Variants in MYOM3 observed in about 807,000 individuals in gnomAD.
The protein encoded by MYOM3 is myomesin-3.
Under a neutral mutation model 191.7 loss-of-function variants are expected in MYOM3, and 155 were observed. The ratio of observed to expected loss-of-function variants is 0.81; its 90% CI spans 0.71 to 0.92. MYOM3 has a LOEUF of 0.92. Among genes scored for constraint, MYOM3 ranks in the 40% least tolerant of loss-of-function variants. The pLI is 0.00. For synonymous variants in MYOM3, 757 were observed against 762.9 expected (o/e 0.99, Z 0.13); for missense variants, 1,889 against 1,890.6 (o/e 1.00, Z 0.02).
At chr1:24,067,389 T>A (rs1643460519) in intron 27 of MYOM3, among the ~76,000 whole-genome samples, 1 of 33,878 alleles carries the variant, frequency 3.0e-5, no homozygotes, top group African/African-American at 2.6e-4. Flanking sequence ...TCTTTCTTTT[T>A]CCTTCCTTCC....
chr1:24,067,304 C>T (rs529954469), intron 27 of MYOM3, among the ~76,000 whole-genome samples: 4 of 127,224 alleles, frequency 3.1e-5, no homozygotes, highest in African/African-American at 1.4e-4. Context: ...TTCTTTCTTT[C>T]CTTCTTTCTT....
intron 27 of MYOM3, among the ~76,000 whole-genome samples, chr1:24,067,618 T>C (rs968494662): frequency 1.1e-4 from 16 of 151,986 alleles, no homozygotes; most frequent in African/African-American, 3.9e-4. Flanking sequence ...TGTGCCACCA[T>C]GCTCGGCTAA....
At chr1:24,091,066 A>G (rs1557612660) in intron 11 of MYOM3, 70 bp from the exon 12 acceptor site, 5 of 1,542,350 alleles carry the variant, frequency 3.2e-6, no homozygotes, top group Non-Finnish European at 4.4e-6. Context: ...AGCCTCTACA[A>G]GGGCCTTTCT....
rs1240147418 is a variant in MYOM3, at chr1:24,070,425, A to G, written c.3150+692T>C. On this transcript the variant is annotated intron_variant, in intron 25 of 36. Transcript: ENST00000374434. ...GGCAAAACCCTGTCTCTACAAAAAA[A>G]AAAAATATAAAAATTAGCTGGGCGT... 3.3e-5 allele frequency among the ~76,000 whole-genome samples: 5 copies of G among 151,976 alleles called. 1 individual carries two copies. Among genetic ancestry groups the G allele is most frequent in the Non-Finnish European group, 5.9e-5 (4 of 67,988 alleles).
intron 4 of MYOM3, among the ~76,000 whole-genome samples, chr1:24,106,594 A>T (rs995027805): frequency 1.3e-5 from 2 of 151,972 alleles, no homozygotes; most frequent in African/African-American, 4.8e-5. Flanking sequence ...TATTATTATT[A>T]TTTTTTAAGG....
chr1:24,063,748 T>C lies in MYOM3; in HGVS notation c.3623-218A>G, dbSNP rs1042040834. On this transcript the variant is annotated intron_variant, in intron 30 of 36. Transcript: ENST00000374434. The surrounding 1 kb of genome is among the most constrained non-coding windows in gnomAD (Gnocchi z 4.5). ...GGGCACTATGGATGGAGGACAAACATGCAAATCTGACAGTTTTTGCAGGCT... is the reference window on the plus strand; with the variant it reads ...GGGCACTATGGATGGAGGACAAACACGCAAATCTGACAGTTTTTGCAGGCT... Among the ~76,000 whole-genome samples the C allele has an allele frequency of 1.3e-5, 2 of 152,044 alleles. No individual in the cohort carries two copies. Among genetic ancestry groups the C allele is most frequent in the African/African-American group, 2.4e-5 (1 of 41,372 alleles).
rs569644404 is a variant in MYOM3 at position 24,063,816 on chromosome 1, G to A, written c.3622+256C>T. ...GAGGAGCCTGGGCCCACTGTGGGAC[G>A]GAGGAGTGAACTCAGGCTTCGGGTC... On this transcript the variant is annotated intron_variant, in intron 30 of 36. Transcript: ENST00000374434. The surrounding 1 kb of genome is among the most constrained non-coding windows in gnomAD (Gnocchi z 4.5). Among the ~76,000 whole-genome samples the A allele has an allele frequency of 3.9e-5, 6 of 152,222 alleles. No homozygotes were observed. The highest frequency in any genetic ancestry group is 2.1e-4 in the South Asian group (1 of 4,822).
At position 24,108,047 on chromosome 1, in the gene MYOM3, G is replaced by A. The variant is rs190949233; in HGVS notation, c.188C>T (p.Ala63Val). 1.2e-6 allele frequency: 2 copies of A among 1,613,806 alleles called. No homozygotes were observed. Among genetic ancestry groups the A allele is most frequent in the South Asian group, 1.1e-5 (1 of 91,074 alleles). Residue 63 changes from alanine (A) to valine (V), a missense_variant, in exon 3 of 37, where the codon GCG (alanine) becomes GTG (valine). Transcript: ENST00000374434. ...SSEEEHEFSA[A>V]DYALAAALAL... is the part of the protein sequence containing the mutation. The stretch of plus-strand genomic sequence containing the variant: ...CAGGGCTGCTGCCAGGGCGTAGTCC[G>A]CGGCGCTGAACTCATGCTCTTCTTC...
intron 14 of MYOM3, among the ~76,000 whole-genome samples, chr1:24,088,577 A>C (rs918243568): frequency 6.6e-6 from 1 of 152,198 alleles, no homozygotes; most frequent in African/African-American, 2.4e-5. Context: ...ATCCTCAATT[A>C]TCTACAGCTT....
Position 24,092,221 on chromosome 1 carries a change from CG to C in MYOM3, c.1184del (p.Pro395ArgfsTer53). On this transcript the variant is annotated frameshift_variant, in exon 11 of 37. Coordinates refer to ENST00000374434, the MANE Select transcript of MYOM3 (RefSeq NM_152372.4). LOFTEE classifies it high-confidence loss of function. The stretch of plus-strand genomic sequence containing the variant: ...TGGGGTTGCCCCGGGTGTCACTGGG[CG>C]GGGCCCAAGTCAGGATGAGGCAGTC... ...NRDCLILTWA[P>X]PSDTRGNPIT... 1 of 1,446,662 alleles carries C rather than the reference CG, an allele frequency of 6.9e-7. No individual in the cohort carries two copies. The highest frequency in any genetic ancestry group is 9.2e-7 in the Non-Finnish European group (1 of 1,091,856). The allele number at this position is 1,446,662 out of a possible 1,614,324, so 89.6% of individuals were successfully genotyped here.
Position 24,095,068 on chromosome 1 carries a change from C to A in MYOM3, c.791-78G>T, listed in dbSNP as rs1448235173. On this transcript the variant is annotated intron_variant, in intron 8 of 36. Transcript: ENST00000374434. ...CTGGGACTTAGGAGTGAGGAAATTTCTGGGGCATCCCTTCTCTTCTGGGTC... is the reference window on the plus strand; with the variant it reads ...CTGGGACTTAGGAGTGAGGAAATTTATGGGGCATCCCTTCTCTTCTGGGTC... 5 of 1,467,712 alleles carry A rather than the reference C, an allele frequency of 3.4e-6. No individual in the cohort carries two copies. In the African/African-American group the frequency reaches 7.0e-5, roughly 20 times the overall value. The allele number at this position is 1,467,712 out of a possible 1,614,324, so 90.9% of individuals were successfully genotyped here.
Position 24,057,242 on chromosome 1 carries a change from T to TA in MYOM3, c.*121_*122insT. On this transcript the variant is annotated 3_prime_UTR_variant, in exon 37 of 37. Transcript: ENST00000374434. ...TCCACCCCCACCCTCACATCCTGGG[T>TA]TCTATCTTGTCCCCTTTCCTTCTGC... 1 of 933,710 alleles carries TA rather than the reference T, an allele frequency of 1.1e-6. No individual in the cohort carries two copies. Among genetic ancestry groups the TA allele is most frequent in the Non-Finnish European group, 1.6e-6 (1 of 631,356 alleles). The allele number at this position is 933,710 out of a possible 1,614,324, so 57.8% of individuals were successfully genotyped here.
At chr1:24,108,730 T>G in intron 1 of MYOM3, 76 bp from the exon 2 acceptor site, 9 of 1,132,784 alleles carry the variant, frequency 7.9e-6, no homozygotes, top group Admixed American at 3.3e-5. Context: ...CCAACATCTC[T>G]AGGAGGCTGG....
intron 15 of MYOM3, among the ~76,000 whole-genome samples, chr1:24,086,177 G>A (rs907592688): frequency 3.3e-5 from 5 of 152,146 alleles, no homozygotes; most frequent in African/African-American, 9.7e-5. Context: ...ACAGCAAGGT[G>A]TGCAGCTTGG....
intron 22 of MYOM3, 68 bp downstream of exon 22, chr1:24,075,251 C>A: frequency 1.3e-6 from 2 of 1,533,184 alleles, no homozygotes; most frequent in Non-Finnish European, 1.8e-6. Context: ...CAGCCAGGAG[C>A]CCCTGCCAGC....
chr1:24,086,610 G>A, intron 15 of MYOM3, 34 bp downstream of exon 15: 1 of 1,601,454 alleles, frequency 6.2e-7, no homozygotes, highest in South Asian at 1.1e-5. Flanking sequence ...GGCCTGGCCT[G>A]CCTCCTCCCC....
Position 24,082,610 on chromosome 1 carries a change from C to T in MYOM3, c.2075G>A (p.Arg692Lys). 2 of 1,609,290 alleles carry T rather than the reference C, an allele frequency of 1.2e-6. No homozygotes were observed. Among genetic ancestry groups the T allele is most frequent in the South Asian group, 2.2e-5 (2 of 90,232 alleles). The change falls in exon 17 of 37, where the codon AGG becomes AAG. Residue 692 changes from arginine (R) to lysine (K), a missense_variant. Arg to Lys is a conservative substitution (Grantham distance 26, BLOSUM62 2). Coordinates refer to ENST00000374434, the MANE Select transcript of MYOM3 (RefSeq NM_152372.4). ...GESSAATEPI[R>K]VKQALATPSA... ...GGACTCACCCAGAGCCTGCTTGACC[C>T]TGATGGGCTCGGTGGCGGCTGAGCT...
At position 24,107,186 on chromosome 1, in the gene MYOM3, G is replaced by A. The variant is rs1426719926; in HGVS notation, c.289C>T (p.Arg97Ter). Residue 97 changes from arginine (R) to a stop codon, truncating the protein, a stop_gained, in exon 4 of 37, where the codon CGA becomes TGA. Transcript: ENST00000374434. LOFTEE classifies it high-confidence loss of function. ...RQTSAVELEE[R>*]GQKRVGFGND... ...CCGAAGCCCACCCGCTTCTGCCCTC[G>A]CTCCTCCAGCTCCACGGCAGAGGTC... 8 of 1,608,572 alleles carry A rather than the reference G, an allele frequency of 5.0e-6. No individual in the cohort carries two copies. Among genetic ancestry groups the A allele is most frequent in the African/African-American group, 1.3e-5 (1 of 74,974 alleles).
In MYOM3 at chr1:24,057,500, G is replaced by A; in HGVS notation, c.4178C>T (p.Thr1393Ile). 1 of 1,614,216 alleles carries A rather than the reference G, an allele frequency of 6.2e-7. No homozygotes were observed. Among genetic ancestry groups the A allele is most frequent in the Non-Finnish European group, 8.5e-7 (1 of 1,180,034 alleles). Residue 1393 changes from threonine (T) to isoleucine (I), a missense_variant, in exon 37 of 37, where the codon ACC (threonine) becomes ATC (isoleucine). Physicochemically the swap from Thr to Ile is moderately conservative, Grantham distance 89. Transcript: ENST00000374434. ...MEVRGTEVTI[T>I]IEKVNSEDSG... Reference sequence around the variant, plus strand: ...GTCTTCACTGTTGACCTTCTCAATGGTGATGGTGACCTCTGTCCCCCTCAC... The same window carrying A: ...GTCTTCACTGTTGACCTTCTCAATGATGATGGTGACCTCTGTCCCCCTCAC...
Sources: allele counts gnomAD v4.1 joint callset (sites outside exome capture counted in the v4.1 genomes callset), GRCh38; gene constraint gnomAD v4.1.1; non-coding constraint Gnocchi (gnomAD v3.1); transcripts MANE v1.5; gene names NCBI Gene and HGNC (gene_info 2026-07-23, HGNC 2026-07-21).